Variants in C5 observed in about 807,000 individuals in gnomAD.
C5 encodes complement C5.
In C5, 140 loss-of-function variants were observed where a neutral mutation model predicts 218.8. The ratio of observed to expected loss-of-function variants is 0.64; its 90% CI spans 0.56 to 0.74. The LOEUF is 0.74. C5 is among the 30% of genes least tolerant of loss of function. C5 has a pLI of 0.00. For synonymous variants in C5, 614 were observed against 682.3 expected, an observed-to-expected ratio of 0.90 and a Z score of 1.56; for missense variants, 1,700 against 1,969.6, an observed-to-expected ratio of 0.86 and a Z score of 2.59.
chr9:121,008,351 C>A, intron 18 of C5, 57 bp downstream of exon 18: 1 of 1,245,948 alleles, frequency 8.0e-7, no homozygotes, highest in Non-Finnish European at 1.2e-6. Context: ...AGATTTTTGG[C>A]CATAATACTT....
intron 30 of C5, 140 bp downstream of exon 30, chr9:120,974,639 A>G: frequency 1.2e-6 from 1 of 800,578 alleles, no homozygotes; most frequent in Non-Finnish European, 2.2e-6. Context: ...AGGATATAGC[A>G]GGCATCCCTG....
chr9:121,053,729 A>T (rs190417567), upstream of C5, among the ~76,000 whole-genome samples: 47 of 152,194 alleles, frequency 3.1e-4, no homozygotes, highest in African/African-American at 1.0e-3. Flanking sequence ...TGCTTGGAGG[A>T]GAGAGAGCAA....
intron 1 of C5, among the ~76,000 whole-genome samples, chr9:121,047,455 A>C (rs1220700010): frequency 1.3e-5 from 2 of 152,200 alleles, no homozygotes; most frequent in Non-Finnish European, 2.9e-5. Context: ...AGTGTATATC[A>C]CAAGAGTATC....
chr9:121,053,492 C>A (rs1323476), upstream of C5, among the ~76,000 whole-genome samples: 114,146 of 152,026 alleles, frequency 0.75, 43,235 homozygotes, highest in East Asian at 0.96. Context: ...GAACCCCCCC[C>A]GAGATAGTTC....
chr9:120,989,428 A>T, intron 24 of C5, 140 bp downstream of exon 24: 1 of 663,744 alleles, frequency 1.5e-6, no homozygotes. Context: ...ATATTTATTT[A>T]TATAGTAGAG....
chr9:120,991,157 A>G, intron 23 of C5, 34 bp downstream of exon 23: 1 of 1,214,708 alleles, frequency 8.2e-7, no homozygotes. Context: ...GCACCAAGTG[A>G]AATGAGAAAT....
chr9:120,971,360 CAT>C (rs773150282), intron 31 of C5, among the ~76,000 whole-genome samples: 3 of 151,530 alleles, frequency 2.0e-5, no homozygotes, highest in Non-Finnish European at 4.4e-5. Flanking sequence ...TGCGTATACA[CAT>C]ATATAATCAT....
At chr9:121,072,383 C>A in the C5 span, among the ~76,000 whole-genome samples, 1 of 152,156 alleles carries the variant, frequency 6.6e-6, no homozygotes, top group Non-Finnish European at 1.5e-5. Context: ...AATGAGGTTA[C>A]GCAATAAATC....
At chr9:121,036,803 T>C (rs543399202) in intron 4 of C5, among the ~76,000 whole-genome samples, 113 of 152,312 alleles carry the variant, frequency 7.4e-4, no homozygotes, top group South Asian at 1.9e-3. Context: ...TTATTTGTTT[T>C]ATATTTTAGT....
chr9:121,073,517 T>C, the C5 span, among the ~76,000 whole-genome samples: 2 of 141,856 alleles, frequency 1.4e-5, no homozygotes, highest in Non-Finnish European at 3.1e-5. Flanking sequence ...TGGACTTTTT[T>C]TTTTTTTTTT....
the C5 span, among the ~76,000 whole-genome samples, chr9:121,063,800 C>A: frequency 6.6e-6 from 1 of 152,082 alleles, no homozygotes. Flanking sequence ...ATGAAGGTAA[C>A]CCTTTAACCC....
At position 120,955,504 on chromosome 9, in the gene C5, T is replaced by C. The variant is rs192877218; in HGVS notation, c.4763-1636A>G. Among the ~76,000 whole-genome samples, 122 of 152,322 alleles carry C rather than the reference T, an allele frequency of 8.0e-4. 1 individual carries two copies. Among genetic ancestry groups the C allele is most frequent in the Middle Eastern group, 3.4e-3 (1 of 294 alleles). ...TTATTTCAGTAAAAAGAGAATGGCT[T>C]ATTACTGCTTGTAATATGAACATTG... On this transcript the variant is annotated intron_variant, in intron 39 of 40. Coordinates refer to ENST00000223642, the MANE Select transcript of C5 (RefSeq NM_001735.3).
chr9:120,996,335 A>G (rs1482114657), intron 21 of C5, 35 bp from the exon 22 acceptor site: 2 of 1,535,848 alleles, frequency 1.3e-6, no homozygotes, highest in Middle Eastern at 1.7e-4. Flanking sequence ...AGTTAAAAAC[A>G]TAAGTTTATA....
rs1458248752 is a variant in C5, at chr9:121,043,126, G to C, written c.299C>G (p.Ser100Cys). Residue 100 changes from serine (S) to cysteine (C), a missense_variant, in exon 3 of 41, where the codon TCT (serine) becomes TGT (cysteine). Transcript: ENST00000223642. ...KQLPGGQNPVSYVYLEVVSKH... is the reference protein window; with the variant it reads ...KQLPGGQNPVCYVYLEVVSKH... ...TGATACAACTTCCAAATACACATAA[G>C]AAACTGGGTTTTGTCCTCCAGGCAA... 3 of 1,613,336 alleles carry C rather than the reference G, an allele frequency of 1.9e-6. No homozygotes were observed. In the Admixed American group the frequency reaches 5.0e-5, roughly 27 times the overall value.
chr9:121,004,288 T>C (rs568490772), intron 20 of C5, among the ~76,000 whole-genome samples: 1 of 152,256 alleles, frequency 6.6e-6, no homozygotes, highest in Non-Finnish European at 1.5e-5. Flanking sequence ...ACATATCATT[T>C]GATACTTGGA....
intron 39 of C5, among the ~76,000 whole-genome samples, chr9:120,955,351 A>T (rs2046776843): frequency 1.3e-5 from 2 of 152,232 alleles, no homozygotes; most frequent in Non-Finnish European, 2.9e-5. Flanking sequence ...CTAATAAAAA[A>T]ATTGTAGCTT....
chr9:121,044,056 T>C (rs896687627), intron 2 of C5, among the ~76,000 whole-genome samples: 3 of 152,186 alleles, frequency 2.0e-5, no homozygotes, highest in African/African-American at 7.2e-5. Context: ...AAAAACCAAC[T>C]GCTGTAGAAT....
chr9:121,013,926 G>A lies in C5; in HGVS notation c.2204C>T (p.Ala735Val). 2 of 1,614,174 alleles carry A rather than the reference G, an allele frequency of 1.2e-6. No homozygotes were observed. The highest frequency in any genetic ancestry group is 1.1e-5 in the South Asian group (1 of 91,080). The change falls in exon 17 of 41, where the codon GCA becomes GTA. Residue 735 changes from alanine (A) to valine (V), a missense_variant. Ala to Val is a moderately conservative substitution (Grantham distance 64). Transcript: ENST00000223642. ...AGAGATATTAGCACGGAGCTGGCTT[G>A]CGACGACACAACATTCAGTGAAAGC... ...IKAFTECCVV[A>V]SQLRANISHK...
At chr9:121,039,528 T>G (rs2047558731) in intron 3 of C5, among the ~76,000 whole-genome samples, 1 of 151,992 alleles carries the variant, frequency 6.6e-6, no homozygotes, top group East Asian at 1.9e-4. Context: ...TCCCACTTAC[T>G]TGGGATGCTG....
Sources: gnomAD v4.1 joint callset for allele counts (sites outside exome capture counted in the v4.1 genomes callset) on GRCh38, gnomAD v4.1.1 for gene constraint, MANE v1.5 for transcripts, NCBI Gene and HGNC (gene_info 2026-07-23, HGNC 2026-07-21) for gene names.